GPHN: variants seen among roughly 807,000 people sequenced by gnomAD.
The protein encoded by GPHN is gephyrin.
A neutral mutation model predicts 95.5 loss-of-function variants in GPHN; 17 were observed. That is an observed-to-expected ratio of 0.18 (90% CI 0.12 to 0.27). The LOEUF (loss-of-function observed/expected upper bound fraction) is 0.27, where lower values mean the gene tolerates loss of function less well. Ranked by LOEUF, GPHN falls within the 10% of genes least tolerant of loss-of-function variation. GPHN has a pLI of 1.00. For synonymous variants in GPHN, 320 were observed against 322.5 expected, an observed-to-expected ratio of 0.99 and a Z score of 0.08; for missense variants, 660 against 978.1, an observed-to-expected ratio of 0.67 and a Z score of 4.34.
chr14:66,871,045 A>T (rs1480676899), intron 4 of GPHN, among the ~76,000 whole-genome samples: 1 of 152,198 alleles, frequency 6.6e-6, no homozygotes, highest in Non-Finnish European at 1.5e-5. Flanking sequence ...TAGAAAAATT[A>T]ATGAACCACA....
chr14:66,870,401 G>C (rs191703860), intron 4 of GPHN, among the ~76,000 whole-genome samples: 111 of 152,234 alleles, frequency 7.3e-4, no homozygotes, highest in African/African-American at 2.6e-3. Context: ...TAACTGTCCT[G>C]CCTGAATTAT....
At chr14:67,553,903 G>A in the GPHN span, among the ~76,000 whole-genome samples, 1 of 152,134 alleles carries the variant, frequency 6.6e-6, no homozygotes. Context: ...TAGTGTTACC[G>A]CAAGAGAGGA....
At chr14:67,474,248 T>C in the GPHN span, among the ~76,000 whole-genome samples, 3 of 132,148 alleles carry the variant, frequency 2.3e-5, no homozygotes, top group Non-Finnish European at 3.2e-5. Context: ...TGAGACTCTG[T>C]CTCCAAAAAA....
intron 4 of GPHN, among the ~76,000 whole-genome samples, chr14:66,829,593 G>C (rs565127009): frequency 6.6e-6 from 1 of 152,174 alleles, no homozygotes; most frequent in African/African-American, 2.4e-5. Flanking sequence ...TAGTAAATTA[G>C]AAAATGTTAA....
At chr14:66,580,511 A>G (rs773966645) in intron 1 of GPHN, among the ~76,000 whole-genome samples, 1 of 151,832 alleles carries the variant, frequency 6.6e-6, no homozygotes, top group Non-Finnish European at 1.5e-5. Flanking sequence ...AGGAGACATT[A>G]CATCTTATAT....
the GPHN span, chr14:67,388,268 C>T: frequency 1.2e-6 from 2 of 1,613,536 alleles, no homozygotes; most frequent in Non-Finnish European, 1.7e-6. Flanking sequence ...GAGTGAACCA[C>T]GAAGAGAAAA....
At chr14:66,650,313 A>G (rs570377318) in intron 1 of GPHN, among the ~76,000 whole-genome samples, 2 of 152,220 alleles carry the variant, frequency 1.3e-5, no homozygotes, top group Non-Finnish European at 2.9e-5. Flanking sequence ...AGAAAAGAAC[A>G]TGAACATAAA....
the GPHN span, among the ~76,000 whole-genome samples, chr14:67,667,150 A>T: frequency 6.6e-6 from 1 of 152,188 alleles, no homozygotes; most frequent in Non-Finnish European, 1.5e-5. Context: ...AGTAAAATGG[A>T]AACAGACAGC....
the GPHN span, among the ~76,000 whole-genome samples, chr14:67,281,114 G>A: frequency 6.6e-6 from 1 of 151,772 alleles, no homozygotes; most frequent in East Asian, 1.9e-4. Flanking sequence ...GGTCAGGCTG[G>A]TCTTCAACTC....
intron 17 of GPHN, among the ~76,000 whole-genome samples, chr14:67,133,796 G>A (rs540271858): frequency 3.9e-5 from 6 of 152,204 alleles, no homozygotes; most frequent in South Asian, 4.1e-4. Flanking sequence ...TATTAAGTGC[G>A]TGGTTCTTTG....
the GPHN span, chr14:67,208,576 G>GAATGATGAT: frequency 9.8e-7 from 1 of 1,022,456 alleles, no homozygotes; most frequent in South Asian, 1.7e-5. Context: ...TAGTGTAACT[G>GAATGATGAT]AATGATGATA....
At chr14:66,994,372 GA>G (rs1245397873) in intron 9 of GPHN, among the ~76,000 whole-genome samples, 2 of 150,316 alleles carry the variant, frequency 1.3e-5, no homozygotes, top group African/African-American at 4.9e-5. Flanking sequence ...TCAAAAAAAA[GA>G]AAAAAGAAAA....
the GPHN span, among the ~76,000 whole-genome samples, chr14:67,238,113 A>C: frequency 2.0e-5 from 3 of 152,092 alleles, no homozygotes; most frequent in Admixed American, 1.3e-4. Context: ...TAATCTAATT[A>C]CCATGCCTCC....
chr14:67,032,630 C>T (rs1018625048), intron 10 of GPHN, among the ~76,000 whole-genome samples: 1 of 152,144 alleles, frequency 6.6e-6, no homozygotes, highest in Non-Finnish European at 1.5e-5. Flanking sequence ...CCATTGAGAG[C>T]AAGAGATTGC....
At chr14:66,748,312 A>C (rs1358973584) in intron 2 of GPHN, among the ~76,000 whole-genome samples, 2 of 152,074 alleles carry the variant, frequency 1.3e-5, no homozygotes, top group Non-Finnish European at 2.9e-5. Flanking sequence ...ATAATAACAT[A>C]CTTTTAATTG....
chr14:67,193,263 GACATCTATCTATATATCTC>G, the GPHN span, among the ~76,000 whole-genome samples: 17 of 126,816 alleles, frequency 1.3e-4, no homozygotes, highest in African/African-American at 4.5e-4. Flanking sequence ...TCTCTATATA[GACATCTATCTATATATCTC>G]TATATAGACA....
chr14:67,096,407 A>T (rs935931711), intron 12 of GPHN, among the ~76,000 whole-genome samples: 1 of 152,172 alleles, frequency 6.6e-6, no homozygotes, highest in African/African-American at 2.4e-5. Flanking sequence ...TTAGAGGATT[A>T]TGCAGAATAT....
At chr14:66,603,656 C>G (rs975216878) in intron 1 of GPHN, among the ~76,000 whole-genome samples, 2 of 151,818 alleles carry the variant, frequency 1.3e-5, no homozygotes. Context: ...ATGTACCTTG[C>G]AACTATACTT....
intron 4 of GPHN, among the ~76,000 whole-genome samples, chr14:66,841,880 AAAAAGAAAAG>A (rs894441796): frequency 3.3e-5 from 5 of 151,964 alleles, no homozygotes; most frequent in African/African-American, 7.3e-5. Context: ...GTCTCTAGTA[AAAAAGAAAAG>A]AAAAGAAAAG....
Sources: allele counts gnomAD v4.1 joint callset (sites outside exome capture counted in the v4.1 genomes callset), GRCh38; gene constraint gnomAD v4.1.1; transcripts MANE v1.5; gene names NCBI Gene and HGNC (gene_info 2026-07-23, HGNC 2026-07-21).